The following KIF13B variants were observed in gnomAD, a reference collection of about 807,000 sequenced individuals.
KIF13B encodes the protein kinesin-like protein KIF13B.
KIF13B carries 127 observed loss-of-function variants against 222.0 expected under a neutral mutation model. That is an observed-to-expected ratio of 0.57 (90% confidence interval 0.50 to 0.66). The LOEUF is 0.66. Among genes scored for constraint, KIF13B ranks in the 30% least tolerant of loss-of-function variants. The pLI is 0.00. For missense variants in KIF13B, 2,173 were observed against 2,379.0 expected (o/e 0.91, Z 1.80); for synonymous variants, 976 against 919.0 (o/e 1.06, Z -1.12).
intron 14 of KIF13B, among the ~76,000 whole-genome samples, chr8:29,150,978 C>A (rs192745465): frequency 1.3e-5 from 2 of 151,528 alleles, no homozygotes; most frequent in East Asian, 3.9e-4. Context: ...GGAATCACAT[C>A]GAAAACCAAG....
chr8:29,181,865 G>A lies in KIF13B; in HGVS notation c.585+54C>T, dbSNP rs1432139933. Reference sequence around the variant, plus strand: ...TAACAAATTAAGCCAAGAAAAAAAAGAGCCCCACCCTACTACACTAAATTT... The same window carrying A: ...TAACAAATTAAGCCAAGAAAAAAAAAAGCCCCACCCTACTACACTAAATTT... On this transcript the variant is annotated intron_variant, in intron 7 of 39. Coordinates refer to ENST00000524189, the MANE Select transcript of KIF13B (RefSeq NM_015254.4). 6.8e-6 allele frequency: 8 copies of A among 1,184,718 alleles called. No homozygotes were observed. In the East Asian group the frequency reaches 1.5e-4, roughly 22 times the overall value. 73.4% of individuals were successfully genotyped at this position (1,184,718 alleles called of 1,614,324 possible). A position where few individuals can be genotyped will look rare whatever the true frequency, so the allele number is the denominator to read the frequency against.
chr8:29,254,970 G>A (rs574224689), intron 1 of KIF13B, among the ~76,000 whole-genome samples: 9 of 152,158 alleles, frequency 5.9e-5, no homozygotes, highest in Admixed American at 1.3e-4. Context: ...AAAGAATGAA[G>A]TATTGATTCA....
intron 2 of KIF13B, among the ~76,000 whole-genome samples, chr8:29,244,767 ACAT>A (rs1203333865): frequency 6.6e-6 from 1 of 152,094 alleles, no homozygotes; most frequent in Non-Finnish European, 1.5e-5. Context: ...ATACTACCAT[ACAT>A]ATCTAGAAAT....
intron 26 of KIF13B, 86 bp from the exon 27 acceptor site, chr8:29,124,209 A>G (rs1206755136): frequency 2.6e-6 from 2 of 779,998 alleles, no homozygotes; most frequent in Non-Finnish European, 4.2e-6. Flanking sequence ...TTGCTCTACT[A>G]TGCCTTGGAA....
At chr8:29,212,485 TA>T (rs1814274665) in intron 2 of KIF13B, among the ~76,000 whole-genome samples, 1 of 152,182 alleles carries the variant, frequency 6.6e-6, no homozygotes, top group African/African-American at 2.4e-5. Flanking sequence ...AAGACGTGTT[TA>T]GACTTTAAAG....
chr8:29,189,251 G>C (rs1813071645), intron 4 of KIF13B: 1 of 149,164 alleles, frequency 6.7e-6, no homozygotes, highest in Non-Finnish European at 1.5e-5. Flanking sequence ...ATGCTTTTAT[G>C]TTATGGCAAG....
rs1161608373 is a variant in KIF13B, at chr8:29,070,681, G to A, written c.5304C>T (p.Arg1768=). 1 of 1,560,870 alleles carries A rather than the reference G, an allele frequency of 6.4e-7. No individual in the cohort carries two copies. The highest frequency in any genetic ancestry group is 1.2e-5 in the South Asian group (1 of 85,300). Residue 1768 remains arginine (R), a synonymous_variant, in exon 40 of 40, where the codon CGC becomes CGT. Coordinates refer to ENST00000524189, the MANE Select transcript of KIF13B (RefSeq NM_015254.4). This position sits in a 1 kb window ranked among gnomAD's most constrained non-coding sequence, Gnocchi z 4.1. Reference sequence around the variant, plus strand: ...GCCGCCGCACAGGGCCCGTGGCCCTGCGGACCCGGCTGGGCCTGACCAGCA... The same window carrying A: ...GCCGCCGCACAGGGCCCGTGGCCCTACGGACCCGGCTGGGCCTGACCAGCA... The part of the protein sequence containing the change: ...YGLLVRPSRV[R]RATGPVRRRS...
rs376489786 is a variant in KIF13B at position 29,163,366 on chromosome 8, A to G, written c.1269+2296T>C. Among the ~76,000 whole-genome samples, 8 of 152,320 alleles carry G rather than the reference A, an allele frequency of 5.3e-5. No homozygotes were observed. The East Asian group carries it at 7.7e-4, about 15-fold the overall frequency. ...GTGGTAGGGCCATCCGAGGGCTTGCACCCCACAGGAAGATGTTACAGAGCC... is the reference window on the plus strand; with the variant it reads ...GTGGTAGGGCCATCCGAGGGCTTGCGCCCCACAGGAAGATGTTACAGAGCC... On this transcript the variant is annotated intron_variant, in intron 12 of 39. Coordinates refer to ENST00000524189, the MANE Select transcript of KIF13B (RefSeq NM_015254.4).
intron 3 of KIF13B, among the ~76,000 whole-genome samples, chr8:29,192,846 A>G (rs1181966443): frequency 6.6e-6 from 1 of 152,124 alleles, no homozygotes; most frequent in Non-Finnish European, 1.5e-5. Context: ...AGGTTTTGAA[A>G]CCAAGAGTGC....
chr8:29,124,125 T>C lies in KIF13B; in HGVS notation c.3253-2A>G. 7 of 1,576,194 alleles carry C rather than the reference T, an allele frequency of 4.4e-6. No homozygotes were observed. Among genetic ancestry groups the C allele is most frequent in the Non-Finnish European group, 6.1e-6 (7 of 1,146,570 alleles). On this transcript the variant is annotated splice_acceptor_variant, in intron 26 of 39. Transcript: ENST00000524189. LOFTEE classifies it high-confidence loss of function. ...ACGAAGTCTCTCTAAATCTCGATCC[T>C]GGAAGCAAGCAAGGAAAATCATATT...
At chr8:29,261,881 T>A (rs1191199463) in intron 1 of KIF13B, among the ~76,000 whole-genome samples, 1 of 152,030 alleles carries the variant, frequency 6.6e-6, no homozygotes, top group East Asian at 1.9e-4. Flanking sequence ...TTGATCTGTA[T>A]GTCTCAATAT....
chr8:29,107,194 C>T (rs1586786407), intron 35 of KIF13B, among the ~76,000 whole-genome samples: 1 of 152,172 alleles, frequency 6.6e-6, no homozygotes, highest in East Asian at 1.9e-4. Context: ...CTTATTCCTC[C>T]TACATTTTTC....
intron 8 of KIF13B, 120 bp from the exon 9 acceptor site, chr8:29,177,698 T>G (rs1301220731): frequency 9.8e-6 from 7 of 711,236 alleles, no homozygotes; most frequent in Non-Finnish European, 1.5e-5. Flanking sequence ...GCCCAGGATT[T>G]CAAAAACAGC....
intron 34 of KIF13B, among the ~76,000 whole-genome samples, chr8:29,108,703 G>A (rs1809214357): frequency 6.6e-6 from 1 of 152,200 alleles, no homozygotes; most frequent in African/African-American, 2.4e-5. Flanking sequence ...AAATGTCTGA[G>A]ATGGTTGGTG....
intron 37 of KIF13B, among the ~76,000 whole-genome samples, chr8:29,083,039 G>C (rs1807882620): frequency 6.6e-6 from 1 of 151,802 alleles, no homozygotes; most frequent in South Asian, 2.1e-4. Flanking sequence ...TGAGATGGGA[G>C]AATCACTTGA....
intron 7 of KIF13B, among the ~76,000 whole-genome samples, chr8:29,180,882 TG>T (rs752265905): frequency 2.6e-5 from 4 of 152,146 alleles, no homozygotes; most frequent in Non-Finnish European, 5.9e-5. Context: ...TTAATAACAA[TG>T]CAGAGCTATG....
intron 8 of KIF13B, among the ~76,000 whole-genome samples, chr8:29,178,711 GA>G (rs1267264539): frequency 1.4e-5 from 2 of 144,360 alleles, no homozygotes. Flanking sequence ...AAGGAAATAA[GA>G]AACAAAGAAC....
At position 29,147,414 on chromosome 8, in the gene KIF13B, A is replaced by T; in HGVS notation, c.2002T>A (p.Leu668Ile). The change falls in exon 17 of 40, where the codon TTA (leucine) becomes ATA (isoleucine). Residue 668 changes from leucine (L) to isoleucine (I), a missense_variant. By Grantham distance (5) the Leu-to-Ile change is conservative. Transcript: ENST00000524189. The part of the protein sequence containing the change: ...SFHSPSAQQR[L>I]RQWAEEREAT... ...TACCTCTCCTCAGCCCACTGTCTTA[A>T]GCGTTGCTGAGCGCTGGGCGAGTGG... The T allele has an allele frequency of 1.2e-6, 2 of 1,607,904 alleles. No individual in the cohort carries two copies. The highest frequency in any genetic ancestry group is 1.7e-6 in the Non-Finnish European group (2 of 1,177,276).
At chr8:29,180,057 A>T (rs1301941840) in intron 8 of KIF13B, 47 bp downstream of exon 8, 23 of 1,604,188 alleles carry the variant, frequency 1.4e-5, no homozygotes, top group Non-Finnish European at 1.9e-5. Flanking sequence ...ATAAAACCAC[A>T]ATCCACTTTA....
Sources: allele counts gnomAD v4.1 joint callset (sites outside exome capture counted in the v4.1 genomes callset), GRCh38; gene constraint gnomAD v4.1.1; non-coding constraint Gnocchi (gnomAD v3.1); transcripts MANE v1.5; gene names NCBI Gene and HGNC (gene_info 2026-07-23, HGNC 2026-07-21).